Variants in GPN1 observed in about 807,000 individuals in gnomAD.
GPN1 encodes the protein ATP(GTP)-binding protein.
Under a neutral mutation model 55.9 loss-of-function variants are expected in GPN1, and 44 were observed. That is an observed-to-expected ratio of 0.79 (90% confidence interval 0.62 to 1.01). GPN1 has a LOEUF of 1.01. GPN1 is among the 50% of genes least tolerant of loss of function. GPN1 has a pLI of 0.00. For synonymous variants in GPN1, 179 were observed against 162.5 expected (o/e 1.10, Z -0.77); for missense variants, 466 against 462.8 (o/e 1.01, Z -0.06).
At chr2:27,629,325 TCCTCGGGCCCTAG>T in intron 1 of GPN1, 156 bp downstream of exon 1, 2 of 1,498,944 alleles carry the variant, frequency 1.3e-6, no homozygotes, top group Non-Finnish European at 1.8e-6. Flanking sequence ...CGGCAAAGCC[TCCTCGGGCCCTAG>T]CCAGGTTAAT....
intron 4 of GPN1, among the ~76,000 whole-genome samples, chr2:27,632,430 G>A (rs1227570105): frequency 6.6e-6 from 1 of 152,218 alleles, no homozygotes; most frequent in Non-Finnish European, 1.5e-5. Context: ...TGTGCCCCAA[G>A]ATGGTATTGG....
chr2:27,642,958 TACACACACACACACACAC>T lies in GPN1; in HGVS notation c.931+459_931+476del, dbSNP rs1553358324. Among the ~76,000 whole-genome samples the T allele has an allele frequency of 4.9e-5, 6 of 122,660 alleles. No homozygotes were observed. In the South Asian group the frequency reaches 1.7e-3, roughly 34 times the overall value. 80.5% of individuals were successfully genotyped at this position (122,660 alleles called of 152,430 possible). On this transcript the variant is annotated intron_variant, in intron 12 of 13. Transcript: ENST00000610189. ...AAATGTGGTTTTATATATATATATA[TACACACACACACACACAC>T]ACACACACACACACACACATACATA...
intron 12 of GPN1, among the ~76,000 whole-genome samples, chr2:27,645,756 G>C (rs1278603333): frequency 6.6e-6 from 1 of 151,522 alleles, no homozygotes; most frequent in Non-Finnish European, 1.5e-5. Flanking sequence ...TTGAGACAGG[G>C]TCTTGCTCTG....
At chr2:27,642,721 C>T (rs1250423768) in intron 12 of GPN1, among the ~76,000 whole-genome samples, 1 of 151,964 alleles carries the variant, frequency 6.6e-6, no homozygotes, top group African/African-American at 2.4e-5. Flanking sequence ...TGTGCCACCA[C>T]ACCCGGCTAA....
chr2:27,641,183 A>T (rs1273101850), intron 10 of GPN1, 57 bp from the exon 11 acceptor site: 21 of 1,104,942 alleles, frequency 1.9e-5, no homozygotes, highest in Non-Finnish European at 2.5e-5. Flanking sequence ...GGGGATGTGG[A>T]GAGTCAGTAG....
Position 27,647,930 on chromosome 2 carries a change from C to T in GPN1, c.1026C>T (p.Asp342=), listed in dbSNP as rs746576092. 3 of 1,603,548 alleles carry T rather than the reference C, an allele frequency of 1.9e-6. No individual in the cohort carries two copies. The Admixed American group carries it at 5.0e-5, about 27-fold the overall frequency. The stretch of plus-strand genomic sequence containing the variant: ...AGGAAGCAGACAGCGATACTGATGA[C>T]ATTGACCACAGAGGTGAGAGGTGGC... ...EDEEADSDTD[D]IDHRVTEESH... The change falls in exon 13 of 14, where the codon GAC becomes GAT. Residue 342 remains aspartate (D), a synonymous_variant. Coordinates refer to ENST00000610189, the MANE Select transcript of GPN1 (RefSeq NM_007266.4).
chr2:27,628,348 C>G, upstream of GPN1: 1 of 1,498,328 alleles, frequency 6.7e-7, no homozygotes, highest in Admixed American at 2.4e-5. Flanking sequence ...TCTGAGGGAC[C>G]TTCAGTGACT....
chr2:27,628,857 T>C (rs1673400932), upstream of GPN1: 2 of 1,466,256 alleles, frequency 1.4e-6, no homozygotes, highest in African/African-American at 2.8e-5. Flanking sequence ...TCTCGCTTGC[T>C]CAGCGCCCCC....
At chr2:27,647,377 G>A (rs78470559) in intron 12 of GPN1, among the ~76,000 whole-genome samples, 5,285 of 151,926 alleles carry the variant, frequency 0.035, 297 homozygotes, top group African/African-American at 0.12. Context: ...TAATACCCTG[G>A]CTCCTTGATA....
rs778506911 is a variant in GPN1 at position 27,629,865 on chromosome 2, A to G, written c.118A>G (p.Thr40Ala). 9 of 1,589,754 alleles carry G rather than the reference A, an allele frequency of 5.7e-6. No homozygotes were observed. In the South Asian group the frequency reaches 9.9e-5, roughly 18 times the overall value. Residue 40 changes from threonine (T) to alanine (A), a missense_variant, in exon 2 of 14, where the codon ACA becomes GCA. Transcript: ENST00000610189. ...SGKTTFVQRL[T>A]GHLHAQGTPP... ...TCTCCCCATATCTCTGCAGAGGCTC[A>G]CAGGACACCTGCATGCCCAAGGCAC...
Position 27,629,181 on chromosome 2 carries a change from A to T in GPN1, c.111+12A>T. ...CCACTTTTGTACAGGTGACGTACAC[A>T]GCATGGGTGTAGTAGGGGAGCGCAA... On this transcript the variant is annotated intron_variant, in intron 1 of 13. Transcript: ENST00000610189. The T allele has an allele frequency of 1.2e-6, 2 of 1,613,896 alleles. No homozygotes were observed. The highest frequency in any genetic ancestry group is 1.7e-6 in the Non-Finnish European group (2 of 1,179,824).
rs1467674656 is a variant in GPN1, at chr2:27,642,231, A to G, written c.841-198A>G. 5 of 535,086 alleles carry G rather than the reference A, an allele frequency of 9.3e-6. No individual in the cohort carries two copies. The East Asian group carries it at 1.3e-4, about 14-fold the overall frequency. The allele number at this position is 535,086 out of a possible 1,614,324, so 33.1% of individuals were successfully genotyped here. ...CTGAACCCTCTAAATCAGTCTGCAG[A>G]GCCCTCCAGTCTAAACTTCTGCAGT... On this transcript the variant is annotated intron_variant, in intron 11 of 13. Coordinates refer to ENST00000610189, the MANE Select transcript of GPN1 (RefSeq NM_007266.4).
intron 3 of GPN1, 92 bp downstream of exon 3, chr2:27,631,158 G>C: frequency 1.4e-6 from 1 of 724,878 alleles, no homozygotes; most frequent in Non-Finnish European, 2.5e-6. Context: ...CCTTTTCCTT[G>C]TGAAATATAC....
At chr2:27,636,428 G>A (rs545322997) in intron 7 of GPN1, among the ~76,000 whole-genome samples, 2 of 152,310 alleles carry the variant, frequency 1.3e-5, no homozygotes, top group East Asian at 3.9e-4. Context: ...GCAAGAAATT[G>A]TGATCCAAAT....
intron 12 of GPN1, among the ~76,000 whole-genome samples, chr2:27,646,863 C>T (rs910708543): frequency 2.6e-5 from 4 of 152,114 alleles, no homozygotes; most frequent in Non-Finnish European, 5.9e-5. Flanking sequence ...TAAGTGTACT[C>T]ACTTGTGCCA....
At chr2:27,646,547 G>C (rs891429778) in intron 12 of GPN1, among the ~76,000 whole-genome samples, 1 of 151,986 alleles carries the variant, frequency 6.6e-6, no homozygotes, top group African/African-American at 2.4e-5. Context: ...TTTTAGGTTA[G>C]TTTTCATTTA....
At position 27,631,885 on chromosome 2, in the gene GPN1, T is replaced by C. The variant is rs752254339; in HGVS notation, c.297T>C (p.Ala99=). ...TAGTGACCTCACTCAATCTCTTTGC[T>C]ACCAGATTTGATCAGGTATATCTGT... ...GGIVTSLNLF[A]TRFDQVMKFI... is the part of the protein sequence containing the mutation. Residue 99 remains alanine, a synonymous_variant, in exon 4 of 14, where the codon GCT becomes GCC. Transcript: ENST00000610189. 17 of 1,588,514 alleles carry C rather than the reference T, an allele frequency of 1.1e-5. No homozygotes were observed. In the East Asian group the frequency reaches 3.6e-4, roughly 33 times the overall value.
intron 7 of GPN1, among the ~76,000 whole-genome samples, chr2:27,635,995 G>A (rs1673718457): frequency 6.6e-6 from 1 of 152,150 alleles, no homozygotes. Flanking sequence ...TGGGAGGATC[G>A]CCTGAGCCCA....
In GPN1 at chr2:27,631,024, C is replaced by T. The variant is rs1200025469; in HGVS notation, c.206-3C>T. ...TCCAGTTAATTCTTTTTTTTCTCCT[C>T]AGATATTCGTGATACTGTAAAGTAT... On this transcript the variant is annotated splice_region_variant and splice_polypyrimidine_tract_variant and intron_variant, in intron 2 of 13. Coordinates refer to ENST00000610189, the MANE Select transcript of GPN1 (RefSeq NM_007266.4). The T allele has an allele frequency of 7.6e-7, 1 of 1,310,272 alleles. No individual in the cohort carries two copies. The highest frequency in any genetic ancestry group is 1.1e-6 in the Non-Finnish European group (1 of 906,680). 81.2% of individuals were successfully genotyped at this position (1,310,272 alleles called of 1,614,324 possible). A position where few individuals can be genotyped will look rare whatever the true frequency, so the allele number is the denominator to read the frequency against.
Sources: gnomAD v4.1 joint callset for allele counts (sites outside exome capture counted in the v4.1 genomes callset) on GRCh38, gnomAD v4.1.1 for gene constraint, MANE v1.5 for transcripts, NCBI Gene and HGNC (gene_info 2026-07-23, HGNC 2026-07-21) for gene names.